RGS8: variants seen among roughly 807,000 people sequenced by gnomAD.
RGS8 encodes regulator of G protein signaling 8, also known as regulator of G-protein signaling 8.
A neutral mutation model predicts 21.7 loss-of-function variants in RGS8; 8 were observed. The observed-to-expected ratio is 0.37, with a 90% CI of 0.22 to 0.66. RGS8 has a LOEUF of 0.66. Ranked by LOEUF, RGS8 falls within the 30% of genes least tolerant of loss-of-function variation. RGS8 has a pLI of 0.59. For missense variants in RGS8, 157 were observed against 217.9 expected (o/e 0.72, Z 1.76); for synonymous variants, 80 against 83.6 (o/e 0.96, Z 0.24).
chr1:182,664,536 G>A (rs1184288060), intron 5 of RGS8, among the ~76,000 whole-genome samples: 4 of 152,062 alleles, frequency 2.6e-5, no homozygotes, highest in Non-Finnish European at 4.4e-5. Flanking sequence ...AAAAGAAGGC[G>A]TACATTGGTA....
the RGS8 span, among the ~76,000 whole-genome samples, chr1:182,716,275 G>A: frequency 5.9e-5 from 9 of 151,588 alleles, no homozygotes; most frequent in African/African-American, 1.9e-4. Flanking sequence ...ACAGGTGTAC[G>A]CCACCATGCC....
At chr1:182,694,998 T>C in the RGS8 span, among the ~76,000 whole-genome samples, 1 of 152,040 alleles carries the variant, frequency 6.6e-6, no homozygotes, top group Non-Finnish European at 1.5e-5. Flanking sequence ...CACACTACAG[T>C]GCATTGGGTT....
chr1:182,740,837 T>C, the RGS8 span, among the ~76,000 whole-genome samples: 6 of 152,164 alleles, frequency 3.9e-5, no homozygotes, highest in East Asian at 3.9e-4. Context: ...CCTGAGTGGA[T>C]ACAGCACATG....
chr1:182,739,546 A>T, the RGS8 span, among the ~76,000 whole-genome samples: 2 of 152,158 alleles, frequency 1.3e-5, no homozygotes, highest in African/African-American at 4.8e-5. Context: ...AATAAACCAA[A>T]TTGTTCATTC....
upstream of RGS8, among the ~76,000 whole-genome samples, chr1:182,688,859 A>G (rs576339885): frequency 2.0e-5 from 3 of 152,360 alleles, no homozygotes; most frequent in Non-Finnish European, 4.4e-5. Flanking sequence ...TGAATGCAGC[A>G]CAACAACCCA....
the RGS8 span, among the ~76,000 whole-genome samples, chr1:182,740,548 G>GTTTTTTTTTTTTTTTTTT: frequency 2.1e-4 from 16 of 75,968 alleles, no homozygotes; most frequent in Non-Finnish European, 3.5e-4. Flanking sequence ...TTGTTTGTTT[G>GTTTTTTTTTTTTTTTTTT]TTTTTTTTTT....
chr1:182,741,410 T>C, the RGS8 span, among the ~76,000 whole-genome samples: 1 of 117,174 alleles, frequency 8.5e-6, no homozygotes, highest in African/African-American at 3.3e-5. Context: ...GGCGGGGGGC[T>C]GACCCCCCCA....
chr1:182,744,362 CA>C, the RGS8 span, among the ~76,000 whole-genome samples: 1 of 152,176 alleles, frequency 6.6e-6, no homozygotes, highest in Admixed American at 6.5e-5. Context: ...TTGGCTCAAG[CA>C]ATCCTCTCAG....
In RGS8 at chr1:182,651,806, GGGAAAAACAGCTGGAGCT is replaced by G. The variant is rs374419009; in HGVS notation, c.194-3521_194-3504del. Among the ~76,000 whole-genome samples, 317 of 152,344 alleles carry G rather than the reference GGGAAAAACAGCTGGAGCT, an allele frequency of 2.1e-3. 3 individuals carry two copies. Among genetic ancestry groups the G allele is most frequent in the African/African-American group, 7.2e-3 (298 of 41,576 alleles). ...GCAGAGGCTACAGGCAGAGGTTGGA[GGGAAAAACAGCTGGAGCT>G]GTGGAAGCCTCAGTGCTCTTGGAGG... On this transcript the variant is annotated intron_variant, in intron 5 of 6. Transcript: ENST00000483095.
At chr1:182,685,897 G>C (rs1020162677), upstream of RGS8, among the ~76,000 whole-genome samples, 1 of 152,204 alleles carries the variant, frequency 6.6e-6, no homozygotes, top group African/African-American at 2.4e-5. Context: ...AGGTGACCCA[G>C]TGGAGGAGAG....
chr1:182,724,201 G>GATAGATAT, the RGS8 span, among the ~76,000 whole-genome samples: 1 of 42,118 alleles, frequency 2.4e-5, no homozygotes, highest in African/African-American at 7.3e-5. Flanking sequence ...GGCTAGACTG[G>GATAGATAT]ATATATATAT....
At chr1:182,718,115 C>T in the RGS8 span, among the ~76,000 whole-genome samples, 1 of 152,142 alleles carries the variant, frequency 6.6e-6, no homozygotes, top group African/African-American at 2.4e-5. Flanking sequence ...GACCTCACAT[C>T]GTGGGGGCCA....
intron 5 of RGS8, among the ~76,000 whole-genome samples, chr1:182,665,442 T>C (rs918089074): frequency 2.6e-5 from 4 of 152,284 alleles, no homozygotes; most frequent in South Asian, 4.2e-4. Flanking sequence ...TCCAGTAAAA[T>C]GTATACTCAG....
At chr1:182,657,372 T>C (rs1380022552) in intron 5 of RGS8, among the ~76,000 whole-genome samples, 1 of 152,138 alleles carries the variant, frequency 6.6e-6, no homozygotes, top group Non-Finnish European at 1.5e-5. Context: ...TGCTTGTCCA[T>C]GAACTGTAGT....
chr1:182,743,562 A>G, the RGS8 span, among the ~76,000 whole-genome samples: 1 of 152,320 alleles, frequency 6.6e-6, no homozygotes, highest in South Asian at 2.1e-4. Flanking sequence ...CCTACATGAT[A>G]TGATCCCTAC....
At chr1:182,700,318 A>G in the RGS8 span, among the ~76,000 whole-genome samples, 1 of 152,096 alleles carries the variant, frequency 6.6e-6, no homozygotes, top group Non-Finnish European at 1.5e-5. Flanking sequence ...AGGTGTAACC[A>G]CTCACCCCAA....
upstream of RGS8, chr1:182,672,742 CT>C: frequency 6.4e-7 from 1 of 1,561,722 alleles, no homozygotes; most frequent in Non-Finnish European, 8.8e-7. Flanking sequence ...GAGACTTTTC[CT>C]TTTGTTCTGC....
Position 182,670,318 on chromosome 1 carries a change from C to T in RGS8, c.-103-566G>A, listed in dbSNP as rs111514628. ...GGATCACAGGTGCAGGCTGAAGAAA[C>T]GAATATGCAAGTTACCCTTTCTTGC... On this transcript the variant is annotated intron_variant, in intron 2 of 6. Transcript: ENST00000483095. Among the ~76,000 whole-genome samples, 9 of 152,304 alleles carry T rather than the reference C, an allele frequency of 5.9e-5. 1 individual carries two copies. The highest frequency in any genetic ancestry group is 1.4e-4 in the African/African-American group (6 of 41,560).
At chr1:182,710,143 C>T in the RGS8 span, among the ~76,000 whole-genome samples, 4 of 152,126 alleles carry the variant, frequency 2.6e-5, no homozygotes, top group Non-Finnish European at 4.4e-5. Flanking sequence ...AGTTATGGCC[C>T]AAAATGAGGA....
Sources: gnomAD v4.1 joint callset for allele counts (sites outside exome capture counted in the v4.1 genomes callset) on GRCh38, gnomAD v4.1.1 for gene constraint, MANE v1.5 for transcripts, NCBI Gene and HGNC (gene_info 2026-07-23, HGNC 2026-07-21) for gene names.